The following VWA8 variants were observed in gnomAD, a reference collection of about 807,000 sequenced individuals.
VWA8 encodes von Willebrand factor A domain-containing protein 8.
A neutral mutation model predicts 241.5 loss-of-function variants in VWA8; 221 were observed. The ratio of observed to expected loss-of-function variants is 0.91; its 90% CI spans 0.82 to 1.02. The LOEUF (loss-of-function observed/expected upper bound fraction) is 1.02, where lower values mean the gene tolerates loss of function less well. Among genes scored for constraint, VWA8 ranks in the 50% least tolerant of loss-of-function variants. The pLI is 0.00. For synonymous variants in VWA8, 852 were observed against 827.1 expected, an observed-to-expected ratio of 1.03 and a Z score of -0.52; for missense variants, 2,322 against 2,328.7, an observed-to-expected ratio of 1.00 and a Z score of 0.06.
chr13:41,886,064 A>AAAATATAAAATGTGTAAGTTGTT lies in VWA8; in HGVS notation c.867-59_867-37dup, dbSNP rs536644005. The AAAATATAAAATGTGTAAGTTGTT allele has an allele frequency of 5.2e-4, 700 of 1,353,860 alleles. 19 individuals carry two copies. In the South Asian group the frequency reaches 9.6e-3, roughly 19 times the overall value. 83.9% of individuals were successfully genotyped at this position (1,353,860 alleles called of 1,614,324 possible). On this transcript the variant is annotated intron_variant, in intron 7 of 44. Coordinates refer to ENST00000379310, the MANE Select transcript of VWA8 (RefSeq NM_015058.2). ...AATGATATTAAATTTTAATAGTTTT[A>AAAATATAAAATGTGTAAGTTGTT]AAATATAAAATGTGTAAGTTGTTAA...
intron 41 of VWA8, among the ~76,000 whole-genome samples, chr13:41,588,532 G>A (rs1467252468): frequency 6.6e-6 from 1 of 152,090 alleles, no homozygotes; most frequent in Admixed American, 6.5e-5. Flanking sequence ...ACCAGCCTGG[G>A]CAACACAGCA....
chr13:41,627,350 T>C (rs1208224836), intron 37 of VWA8, among the ~76,000 whole-genome samples: 1 of 152,180 alleles, frequency 6.6e-6, no homozygotes, highest in Non-Finnish European at 1.5e-5. Context: ...CTTGCTTTGT[T>C]TGTGTGTTTT....
intron 37 of VWA8, among the ~76,000 whole-genome samples, chr13:41,663,970 G>C (rs1258982346): frequency 1.9e-4 from 29 of 151,612 alleles, no homozygotes; most frequent in Admixed American, 1.8e-3. Context: ...AGTTACATGA[G>C]GTATTCAGCA....
At chr13:41,940,824 T>C (rs1216011408) in intron 2 of VWA8, among the ~76,000 whole-genome samples, 1 of 152,190 alleles carries the variant, frequency 6.6e-6, no homozygotes, top group African/African-American at 2.4e-5. Context: ...ATAAAATATA[T>C]GGTACCATCA....
chr13:41,807,988 T>C (rs1870292578), intron 17 of VWA8: 1 of 152,046 alleles, frequency 6.6e-6, no homozygotes, highest in South Asian at 2.1e-4. Flanking sequence ...TGATGATACA[T>C]AGACTGAAAA....
At chr13:41,649,181 T>TCAACAACAATAA (rs2044853044) in intron 37 of VWA8, among the ~76,000 whole-genome samples, 1 of 152,250 alleles carries the variant, frequency 6.6e-6, no homozygotes, top group South Asian at 2.1e-4. Flanking sequence ...ACACTCTGTC[T>TCAACAACAATAA]CAACAACAAT....
intron 12 of VWA8, among the ~76,000 whole-genome samples, chr13:41,835,397 T>A (rs1871677680): frequency 6.6e-6 from 1 of 152,230 alleles, no homozygotes; most frequent in Non-Finnish European, 1.5e-5. Context: ...TCAAAATTTG[T>A]TCTTTTTAAA....
chr13:41,749,335 TC>T (rs2045635641), intron 21 of VWA8, among the ~76,000 whole-genome samples: 1 of 152,128 alleles, frequency 6.6e-6, no homozygotes, highest in Non-Finnish European at 1.5e-5. Context: ...AGAATGGTGA[TC>T]ATTAAAAAGT....
chr13:41,924,741 G>C (rs532418164), intron 2 of VWA8, among the ~76,000 whole-genome samples: 40 of 151,066 alleles, frequency 2.6e-4, no homozygotes, highest in Non-Finnish European at 5.3e-4. Context: ...GCTGAGGTCT[G>C]TTTCTCTGAA....
Position 41,825,038 on chromosome 13 carries a change from C to T in VWA8, c.1700+5491G>A, listed in dbSNP as rs569562476. Among the ~76,000 whole-genome samples the T allele has an allele frequency of 3.9e-5, 6 of 152,274 alleles. No individual in the cohort carries two copies. In the East Asian group the frequency reaches 1.2e-3, roughly 29 times the overall value. Reference sequence around the variant, plus strand: ...CAATATCTGAAACCTTTTCCAACCTCTCAAGGCACAGTTACTAGTCAATTC... The same window carrying T: ...CAATATCTGAAACCTTTTCCAACCTTTCAAGGCACAGTTACTAGTCAATTC... On this transcript the variant is annotated intron_variant, in intron 14 of 44. Transcript: ENST00000379310.
rs541888955 is a variant in VWA8, at chr13:41,657,777, C to A, written c.4611+13169G>T. Among the ~76,000 whole-genome samples the A allele has an allele frequency of 4.4e-4, 67 of 152,354 alleles. 1 individual carries two copies. The highest frequency in any genetic ancestry group is 1.6e-3 in the African/African-American group (66 of 41,594). On this transcript the variant is annotated intron_variant, in intron 37 of 44. Coordinates refer to ENST00000379310, the MANE Select transcript of VWA8 (RefSeq NM_015058.2). ...GTGCTGGGATTACAGGCGTGAGCCA[C>A]CGCGCCCGGCCAAGTTATTCTTTTA...
chr13:41,903,967 G>A (rs1375804732), intron 4 of VWA8, among the ~76,000 whole-genome samples: 1 of 152,202 alleles, frequency 6.6e-6, no homozygotes, highest in Non-Finnish European at 1.5e-5. Flanking sequence ...GAAGGTATCA[G>A]TGGGATTAGA....
intron 20 of VWA8, among the ~76,000 whole-genome samples, chr13:41,770,072 G>A (rs1283375179): frequency 1.3e-5 from 2 of 152,142 alleles, no homozygotes; most frequent in African/African-American, 2.4e-5. Context: ...TTTCACAGGC[G>A]AAGATGAGAG....
At chr13:41,569,623 G>A (rs949218668) in intron 44 of VWA8, among the ~76,000 whole-genome samples, 3 of 151,444 alleles carry the variant, frequency 2.0e-5, no homozygotes, top group Non-Finnish European at 2.9e-5. Context: ...AAAAACGTAG[G>A]CCCTTTGTGC....
At chr13:41,949,490 G>A (rs1411676376) in intron 2 of VWA8, among the ~76,000 whole-genome samples, 4 of 152,176 alleles carry the variant, frequency 2.6e-5, no homozygotes, top group African/African-American at 4.8e-5. Context: ...TAGGGGGCTA[G>A]GGGAGGAATA....
chr13:41,608,136 T>C (rs1257763709), intron 39 of VWA8, among the ~76,000 whole-genome samples: 1 of 151,936 alleles, frequency 6.6e-6, no homozygotes, highest in African/African-American at 2.4e-5. Flanking sequence ...CTTTGCAGAG[T>C]GATCAGAATT....
At chr13:41,875,301 C>T (rs1461759333) in intron 9 of VWA8, among the ~76,000 whole-genome samples, 1 of 152,068 alleles carries the variant, frequency 6.6e-6, no homozygotes, top group Admixed American at 6.6e-5. Context: ...AAACAAGACA[C>T]AAGGGTGCTC....
intron 17 of VWA8, among the ~76,000 whole-genome samples, chr13:41,797,740 G>C (rs992581704): frequency 6.6e-6 from 1 of 151,824 alleles, no homozygotes; most frequent in Non-Finnish European, 1.5e-5. Context: ...CTTCCCTTTT[G>C]GTTAGTATTT....
chr13:41,598,823 T>C (rs919282643), intron 40 of VWA8, among the ~76,000 whole-genome samples: 3 of 137,310 alleles, frequency 2.2e-5, no homozygotes, highest in Non-Finnish European at 5.0e-5. Context: ...TCTCTGCTTT[T>C]AGGATTTTTT....
Sources: gnomAD v4.1 joint callset for allele counts (sites outside exome capture counted in the v4.1 genomes callset) on GRCh38, gnomAD v4.1.1 for gene constraint, MANE v1.5 for transcripts, NCBI Gene and HGNC (gene_info 2026-07-23, HGNC 2026-07-21) for gene names.